Variants in ABLIM2 observed in about 807,000 individuals in gnomAD.
ABLIM2 encodes the protein actin binding LIM protein family member 2.
A neutral mutation model predicts 97.7 loss-of-function variants in ABLIM2; 53 were observed. The ratio of observed to expected loss-of-function variants is 0.54; its 90% CI spans 0.44 to 0.68. The LOEUF (loss-of-function observed/expected upper bound fraction) is 0.68, where lower values mean the gene tolerates loss of function less well. ABLIM2 is among the 30% of genes least tolerant of loss of function. The probability of loss-of-function intolerance (pLI) is 0.00; values close to 1 mark genes in which losing one functional copy is unlikely to be tolerated. For synonymous variants in ABLIM2, 361 were observed against 345.8 expected (o/e 1.04, Z -0.49); for missense variants, 835 against 867.2 (o/e 0.96, Z 0.47).
chr4:8,060,198 C>G (rs1263535286), intron 7 of ABLIM2, among the ~76,000 whole-genome samples: 1 of 152,160 alleles, frequency 6.6e-6, no homozygotes, highest in Non-Finnish European at 1.5e-5. Context: ...TAAAGGGTAG[C>G]CGAATGCCGC....
rs765337232 is a variant in ABLIM2, at chr4:7,966,974, G to C, written c.*16C>G. ...CTCGGCGCCCGGCACACACCAGTGGGGCAGGCTGGCAGCCGTCAGAACAAA... is the reference window on the plus strand; with the variant it reads ...CTCGGCGCCCGGCACACACCAGTGGCGCAGGCTGGCAGCCGTCAGAACAAA... On this transcript the variant is annotated 3_prime_UTR_variant, in exon 21 of 21. Coordinates refer to ENST00000447017, the MANE Select transcript of ABLIM2 (RefSeq NM_001130083.2). The C allele has an allele frequency of 6.2e-7, 1 of 1,603,808 alleles. No individual in the cohort carries two copies. The highest frequency in any genetic ancestry group is 2.2e-5 in the East Asian group (1 of 44,686).
chr4:8,071,171 C>A lies in ABLIM2; in HGVS notation c.675+6457G>T, dbSNP rs1485037330. 8.7e-5 allele frequency among the ~76,000 whole-genome samples: 3 copies of A among 34,358 alleles called. No individual in the cohort carries two copies. Among genetic ancestry groups the A allele is most frequent in the Non-Finnish European group, 1.5e-4 (3 of 19,472 alleles). 22.5% of individuals were successfully genotyped at this position (34,358 alleles called of 152,430 possible). On this transcript the variant is annotated intron_variant, in intron 6 of 20. Coordinates refer to ENST00000447017, the MANE Select transcript of ABLIM2 (RefSeq NM_001130083.2). This position sits in a 1 kb window ranked among gnomAD's most constrained non-coding sequence, Gnocchi z 6.2. ...CCCAGCTCCCTCTGTGGGGGCAGCG[C>A]CATCCGTCCCCAGCAGCTGGCTCTG...
intron 9 of ABLIM2, chr4:8,041,492 G>C (rs1788514593): frequency 6.6e-6 from 1 of 152,132 alleles, no homozygotes; most frequent in African/African-American, 2.4e-5. Flanking sequence ...CCTTGAAAGT[G>C]TTGCATGGCC....
intron 20 of ABLIM2, among the ~76,000 whole-genome samples, chr4:7,974,848 G>A (rs1039426919): frequency 2.6e-5 from 4 of 152,166 alleles, no homozygotes; most frequent in African/African-American, 7.2e-5. Flanking sequence ...GGAAAACCCT[G>A]GTTGATAGAC....
At chr4:8,047,969 T>C (rs770812004) in intron 8 of ABLIM2, among the ~76,000 whole-genome samples, 4 of 152,236 alleles carry the variant, frequency 2.6e-5, no homozygotes, top group Non-Finnish European at 4.4e-5. Context: ...CAGGAAAGTC[T>C]CCCAGGCTCC....
rs190689111 is a variant in ABLIM2, at chr4:8,038,149, A to T, written c.901-1854T>A. 2.0e-5 allele frequency among the ~76,000 whole-genome samples: 3 copies of T among 152,192 alleles called. No individual in the cohort carries two copies. The East Asian group carries it at 5.8e-4, about 29-fold the overall frequency. ...CATGCACTGGGCTGAGCCCTCCATC[A>T]TCTGCTCGCAAAACACAATGATGCC... is the stretch of plus-strand genomic sequence containing the variant. On this transcript the variant is annotated intron_variant, in intron 9 of 20. Coordinates refer to ENST00000447017, the MANE Select transcript of ABLIM2 (RefSeq NM_001130083.2).
chr4:7,973,964 G>T (rs1391277122), intron 20 of ABLIM2, among the ~76,000 whole-genome samples: 1 of 152,192 alleles, frequency 6.6e-6, no homozygotes, highest in Non-Finnish European at 1.5e-5. Context: ...CCTCAATAAT[G>T]CAGGAGCCTC....
intron 10 of ABLIM2, among the ~76,000 whole-genome samples, chr4:8,034,256 G>T (rs1216971630): frequency 6.6e-5 from 10 of 152,068 alleles, no homozygotes; most frequent in Non-Finnish European, 1.3e-4. Flanking sequence ...GGGTACAGGT[G>T]GGTGCAGTGG....
chr4:8,041,747 A>C (rs1456994925), intron 9 of ABLIM2, among the ~76,000 whole-genome samples: 1 of 151,878 alleles, frequency 6.6e-6, no homozygotes, highest in Non-Finnish European at 1.5e-5. Context: ...TTAAAAATAC[A>C]AAAAAAATTA....
At chr4:8,039,382 T>C (rs1786632610) in intron 9 of ABLIM2, among the ~76,000 whole-genome samples, 1 of 152,182 alleles carries the variant, frequency 6.6e-6, no homozygotes, top group East Asian at 1.9e-4. Context: ...CACCCAGCCC[T>C]GACAGCAGGG....
At chr4:7,993,303 G>A (rs918009926) in intron 16 of ABLIM2, among the ~76,000 whole-genome samples, 5 of 152,262 alleles carry the variant, frequency 3.3e-5, no homozygotes, top group Non-Finnish European at 5.9e-5. Context: ...AACCCTGGAG[G>A]AACAGCAGAG....
rs561288077 is a variant in ABLIM2 at position 8,069,159 on chromosome 4, G to A, written c.676-8105C>T. 1.1e-4 allele frequency among the ~76,000 whole-genome samples: 17 copies of A among 152,382 alleles called. No individual in the cohort carries two copies. In the East Asian group the frequency reaches 1.5e-3, roughly 14 times the overall value. ...CTCTCTACCCAGCTCCCGTTAAGGC[G>A]TGAGCCTCAGGAGCGCTTGGCCCAG... is the stretch of plus-strand genomic sequence containing the variant. On this transcript the variant is annotated intron_variant, in intron 6 of 20. Transcript: ENST00000447017. The surrounding 1 kb of genome is among the most constrained non-coding windows in gnomAD (Gnocchi z 4.2).
Position 8,155,361 on chromosome 4 carries a change from A to T in ABLIM2, c.10+3319T>A. Among the ~76,000 whole-genome samples the T allele has an allele frequency of 6.6e-6, 1 of 152,202 alleles. No individual in the cohort carries two copies. Among genetic ancestry groups the T allele is most frequent in the East Asian group, 1.9e-4 (1 of 5,204 alleles). ...GATCTGCACCGTCCACAGTCTGGGG[A>T]CTAGGGCTCAGGTTCGGGCTCTGCC... On this transcript the variant is annotated intron_variant, in intron 1 of 20. Coordinates refer to ENST00000447017, the MANE Select transcript of ABLIM2 (RefSeq NM_001130083.2). The surrounding 1 kb of genome is among the most constrained non-coding windows in gnomAD (Gnocchi z 4.2).
Position 8,009,035 on chromosome 4 carries a change from G to A in ABLIM2, c.1476+15C>T, listed in dbSNP as rs774695663. On this transcript the variant is annotated intron_variant, in intron 15 of 20. Transcript: ENST00000447017. Reference sequence around the variant, plus strand: ...AGCAAGGCTGTTCTCAGCCAGATCTGCTCCCTGGCATTACCTTCCTGTTAT... The same window carrying A: ...AGCAAGGCTGTTCTCAGCCAGATCTACTCCCTGGCATTACCTTCCTGTTAT... The A allele has an allele frequency of 6.2e-7, 1 of 1,613,774 alleles. No homozygotes were observed. The highest frequency in any genetic ancestry group is 1.1e-5 in the South Asian group (1 of 91,068).
At chr4:7,991,561 C>T (rs1236938995) in intron 17 of ABLIM2, among the ~76,000 whole-genome samples, 1 of 152,218 alleles carries the variant, frequency 6.6e-6, no homozygotes, top group Non-Finnish European at 1.5e-5. Flanking sequence ...GTCCTGTGGA[C>T]ATTGGTCCAG....
intron 1 of ABLIM2, among the ~76,000 whole-genome samples, chr4:8,126,164 G>T (rs375148796): frequency 1.8e-4 from 27 of 152,292 alleles, no homozygotes; most frequent in African/African-American, 5.8e-4. Context: ...GGCGCTGAGG[G>T]GGGGCTATGG....
Position 8,043,443 on chromosome 4 carries a change from T to C in ABLIM2, c.900+1721A>G, listed in dbSNP as rs1033586575. The stretch of plus-strand genomic sequence containing the variant: ...ACTGTGTCTCCCCGAATTCCTGTGT[T>C]GGTAAAGTCCTAACCCTCAGGACCT... On this transcript the variant is annotated intron_variant, in intron 9 of 20. Coordinates refer to ENST00000447017, the MANE Select transcript of ABLIM2 (RefSeq NM_001130083.2). This position sits in a 1 kb window ranked among gnomAD's most constrained non-coding sequence, Gnocchi z 4.8. Among the ~76,000 whole-genome samples the C allele has an allele frequency of 1.3e-5, 2 of 152,184 alleles. No homozygotes were observed. Among genetic ancestry groups the C allele is most frequent in the East Asian group, 1.9e-4 (1 of 5,200 alleles).
At chr4:8,065,626 A>G (rs1158273114) in intron 6 of ABLIM2, among the ~76,000 whole-genome samples, 4 of 152,186 alleles carry the variant, frequency 2.6e-5, no homozygotes, top group Non-Finnish European at 5.9e-5. Context: ...GAAAAGAACA[A>G]GAGAAATGAA....
In ABLIM2 at chr4:8,032,616, C is replaced by A. The variant is rs752505549; in HGVS notation, c.1048-2840G>T. The A allele has an allele frequency of 2.5e-6, 4 of 1,612,176 alleles. No homozygotes were observed. In the Admixed American group the frequency reaches 6.7e-5, roughly 27 times the overall value. On this transcript the variant is annotated intron_variant, in intron 10 of 20. Transcript: ENST00000447017. The surrounding 1 kb of genome is among the most constrained non-coding windows in gnomAD (Gnocchi z 4.3). ...TATAACCCAGGCAGCAGCGCCACGG[C>A]AAGCGGGGACAGGCGAGAGGGTGGT...
Sources: allele counts gnomAD v4.1 joint callset (sites outside exome capture counted in the v4.1 genomes callset), GRCh38; gene constraint gnomAD v4.1.1; non-coding constraint Gnocchi (gnomAD v3.1); transcripts MANE v1.5; gene names NCBI Gene and HGNC (gene_info 2026-07-23, HGNC 2026-07-21).